The following RTN4R variants were observed in gnomAD, a reference collection of about 807,000 sequenced individuals.
The protein encoded by RTN4R is reticulon-4 receptor.
In RTN4R, 4 loss-of-function variants were observed where a neutral mutation model predicts 27.7. That is an observed-to-expected ratio of 0.14 (90% CI 0.07 to 0.33). The LOEUF (loss-of-function observed/expected upper bound fraction) is 0.33. Ranked by LOEUF, RTN4R falls within the 10% of genes least tolerant of loss-of-function variation. The pLI, the probability that RTN4R is intolerant of heterozygous loss-of-function variation, is 1.00. For missense variants in RTN4R, 554 were observed against 671.5 expected (o/e 0.83, Z 1.93); for synonymous variants, 290 against 305.6 (o/e 0.95, Z 0.53).
At chr22:20,260,121 C>A (rs1304741717) in intron 1 of RTN4R, among the ~76,000 whole-genome samples, 2 of 152,120 alleles carry the variant, frequency 1.3e-5, no homozygotes, top group African/African-American at 4.8e-5. Context: ...ATGGCCCCAG[C>A]GGGTGGGGCA....
At chr22:20,265,052 C>T (rs1364776296) in intron 1 of RTN4R, among the ~76,000 whole-genome samples, 5 of 152,214 alleles carry the variant, frequency 3.3e-5, no homozygotes, top group Admixed American at 1.3e-4. Flanking sequence ...TGAGAGGTTC[C>T]GGGCCACAGG....
intron 1 of RTN4R, among the ~76,000 whole-genome samples, chr22:20,252,452 G>C (rs749188962): frequency 2.6e-5 from 4 of 152,202 alleles, no homozygotes; most frequent in Non-Finnish European, 5.9e-5. Context: ...GGATATCCCT[G>C]TGCTGCATCC....
At chr22:20,253,924 G>T (rs2051198476) in intron 1 of RTN4R, among the ~76,000 whole-genome samples, 1 of 152,036 alleles carries the variant, frequency 6.6e-6, no homozygotes, top group Non-Finnish European at 1.5e-5. Context: ...AAAGACAAAT[G>T]AATGAGATTT....
intron 1 of RTN4R, among the ~76,000 whole-genome samples, chr22:20,251,994 T>C (rs1407081639): frequency 2.4e-5 from 2 of 84,868 alleles, no homozygotes; most frequent in South Asian, 4.4e-4. Flanking sequence ...ATCACCATCA[T>C]CACCATCCTC....
intron 1 of RTN4R, among the ~76,000 whole-genome samples, chr22:20,261,226 G>A (rs2051244740): frequency 1.3e-5 from 2 of 152,218 alleles, no homozygotes; most frequent in Non-Finnish European, 2.9e-5. Flanking sequence ...TCCCCCCAGG[G>A]CAGGACAGGA....
chr22:20,261,190 A>G (rs855051), intron 1 of RTN4R, among the ~76,000 whole-genome samples: 70,844 of 152,074 alleles, frequency 0.47, 17,395 homozygotes, highest in East Asian at 0.89. Flanking sequence ...CACTGGCCAC[A>G]TGGGCTGGTC....
intron 1 of RTN4R, among the ~76,000 whole-genome samples, chr22:20,256,889 C>T (rs954031020): frequency 2.6e-5 from 4 of 152,224 alleles, no homozygotes; most frequent in South Asian, 2.1e-4. Flanking sequence ...CCCACTCCCA[C>T]GGTCTCCTTG....
chr22:20,267,113 G>A (rs1158312120), intron 1 of RTN4R, among the ~76,000 whole-genome samples: 6 of 152,380 alleles, frequency 3.9e-5, no homozygotes, highest in East Asian at 1.9e-4. Flanking sequence ...AGGCGGGGGC[G>A]AGGACACAGA....
intron 1 of RTN4R, among the ~76,000 whole-genome samples, chr22:20,257,616 G>T (rs377384007): frequency 6.6e-6 from 1 of 152,256 alleles, no homozygotes; most frequent in Non-Finnish European, 1.5e-5. Flanking sequence ...ATGTGCTTCC[G>T]TTGTTTAGGA....
chr22:20,248,719 A>G (rs2051157173), intron 1 of RTN4R, among the ~76,000 whole-genome samples: 1 of 151,984 alleles, frequency 6.6e-6, no homozygotes, highest in South Asian at 2.1e-4. Context: ...CCTATGGGAG[A>G]GTTAGGAGCC....
chr22:20,244,650 T>C (rs912650183), intron 1 of RTN4R, among the ~76,000 whole-genome samples: 4 of 152,140 alleles, frequency 2.6e-5, no homozygotes, highest in East Asian at 3.9e-4. Flanking sequence ...CTCTGCTCTC[T>C]TTCTACACAC....
intron 1 of RTN4R, among the ~76,000 whole-genome samples, chr22:20,247,456 A>G (rs1480638719): frequency 7.6e-6 from 1 of 131,394 alleles, no homozygotes; most frequent in East Asian, 2.4e-4. Flanking sequence ...CTGGCCCTCC[A>G]CCACTGACTC....
chr22:20,267,986 G>T, intron 1 of RTN4R, 85 bp downstream of exon 1: 4 of 764,676 alleles, frequency 5.2e-6, no homozygotes, highest in Non-Finnish European at 6.8e-6. Context: ...AGCCCGGGAC[G>T]GGCCCTGCGG....
At chr22:20,256,212 C>T (rs1421594465) in intron 1 of RTN4R, among the ~76,000 whole-genome samples, 2 of 152,214 alleles carry the variant, frequency 1.3e-5, no homozygotes, top group Non-Finnish European at 2.9e-5. Context: ...TCCTCAGCAT[C>T]TCTGTCTGGG....
rs1390169368 is a variant in RTN4R, at chr22:20,241,831, T to C, written c.1302A>G (p.Ala434=). The part of the protein sequence containing the change: ...RTRSHCRLGQ[A]GSGGGGTGDS... ...CACCAGTCCCGCCACCCCCGCTGCCTGCCTGGCCCAGACGGCAGTGGCTGC... is the reference window on the plus strand; with the variant it reads ...CACCAGTCCCGCCACCCCCGCTGCCCGCCTGGCCCAGACGGCAGTGGCTGC... Residue 434 remains alanine, a synonymous_variant, in exon 2 of 2, where the codon GCA becomes GCG. Transcript: ENST00000043402. 6.2e-7 allele frequency: 1 copy of C among 1,603,312 alleles called. No individual in the cohort carries two copies. Among genetic ancestry groups the C allele is most frequent in the Non-Finnish European group, 8.5e-7 (1 of 1,175,658 alleles).
chr22:20,248,987 C>T (rs887098557), intron 1 of RTN4R: 23 of 408,546 alleles, frequency 5.6e-5, no homozygotes, highest in Non-Finnish European at 1.0e-4. Context: ...ACACTGGGGG[C>T]CCCTGGAGGC....
In RTN4R at chr22:20,252,305, C is replaced by T. The variant is rs559922272; in HGVS notation, c.23-9195G>A. ...GCAATGGGTCAGTACTGGGTCGACA[C>T]CAGATATCCCTGGGCAGAGGCCCTG... is the stretch of plus-strand genomic sequence containing the variant. On this transcript the variant is annotated intron_variant, in intron 1 of 1. Coordinates refer to ENST00000043402, the MANE Select transcript of RTN4R (RefSeq NM_023004.6). 4.6e-5 allele frequency among the ~76,000 whole-genome samples: 7 copies of T among 152,344 alleles called. No homozygotes were observed. In the East Asian group the frequency reaches 1.4e-3, roughly 29 times the overall value.
At chr22:20,264,866 T>C (rs2051268445) in intron 1 of RTN4R, among the ~76,000 whole-genome samples, 1 of 152,184 alleles carries the variant, frequency 6.6e-6, no homozygotes, top group Non-Finnish European at 1.5e-5. Context: ...CGGGACGGCA[T>C]GAACCTCATT....
rs2145989241 is a variant in RTN4R, at chr22:20,268,150, T to C, written c.-58A>G. 1 of 961,032 alleles carries C rather than the reference T, an allele frequency of 1.0e-6. No individual in the cohort carries two copies. The highest frequency in any genetic ancestry group is 1.3e-6 in the Non-Finnish European group (1 of 787,952). 59.5% of individuals were successfully genotyped at this position (961,032 alleles called of 1,614,324 possible). ...AAAGTCGTTTCGGGGCGGGCGCCCG[T>C]CTCCCCGCGGCCGGGTCCGCATCCA... On this transcript the variant is annotated 5_prime_UTR_variant, in exon 1 of 2. Coordinates refer to ENST00000043402, the MANE Select transcript of RTN4R (RefSeq NM_023004.6).
Sources: gnomAD v4.1 joint callset for allele counts (sites outside exome capture counted in the v4.1 genomes callset) on GRCh38, gnomAD v4.1.1 for gene constraint, MANE v1.5 for transcripts, NCBI Gene and HGNC (gene_info 2026-07-23, HGNC 2026-07-21) for gene names.